The following VIT variants were observed in gnomAD, a reference collection of about 807,000 sequenced individuals.
The protein encoded by VIT is vitrin.
A neutral mutation model predicts 78.0 loss-of-function variants in VIT; 99 were observed. That is an observed-to-expected ratio of 1.27 (90% CI 1.08 to 1.50). The LOEUF (loss-of-function observed/expected upper bound fraction) is 1.50, where lower values mean the gene tolerates loss of function less well. Ranked by LOEUF, VIT falls within the 40% of genes most tolerant of loss-of-function variation. The pLI is 0.00. For missense variants in VIT, 1,126 were observed against 875.3 expected, an observed-to-expected ratio of 1.29 and a Z score of -3.61; for synonymous variants, 374 against 334.3, an observed-to-expected ratio of 1.12 and a Z score of -1.29.
At chr2:36,750,100 A>G (rs192049403) in intron 4 of VIT, among the ~76,000 whole-genome samples, 1 of 152,370 alleles carries the variant, frequency 6.6e-6, no homozygotes, top group East Asian at 1.9e-4. Context: ...AACGACACGA[A>G]AAGCTGTTCC....
intron 11 of VIT, among the ~76,000 whole-genome samples, chr2:36,785,060 A>C (rs935502688): frequency 1.3e-5 from 2 of 152,264 alleles, no homozygotes; most frequent in Non-Finnish European, 2.9e-5. Flanking sequence ...ACTGCCTGTG[A>C]GGAATCAAAA....
At chr2:36,730,411 G>A (rs1169330741) in intron 3 of VIT, among the ~76,000 whole-genome samples, 2 of 152,312 alleles carry the variant, frequency 1.3e-5, no homozygotes, top group Middle Eastern at 3.4e-3. Context: ...CAGGGACCCA[G>A]ACTTCTGTCT....
At chr2:36,775,747 G>C (rs1670008591) in intron 9 of VIT, among the ~76,000 whole-genome samples, 1 of 151,820 alleles carries the variant, frequency 6.6e-6, no homozygotes, top group African/African-American at 2.4e-5. Flanking sequence ...TTTGCTCTGA[G>C]TGCCTCAGAG....
chr2:36,776,872 G>A (rs139011853), intron 9 of VIT, among the ~76,000 whole-genome samples: 5,266 of 151,802 alleles, frequency 0.035, 136 homozygotes, highest in Middle Eastern at 0.058. Context: ...GGCAGATCAC[G>A]AGGTCAGGAG....
At chr2:36,710,704 A>G (rs1665749813) in intron 1 of VIT, among the ~76,000 whole-genome samples, 1 of 152,146 alleles carries the variant, frequency 6.6e-6, no homozygotes, top group African/African-American at 2.4e-5. Context: ...AATTATTTTG[A>G]GATTCATTCA....
intron 2 of VIT, among the ~76,000 whole-genome samples, chr2:36,717,088 G>C (rs1015794132): frequency 5.3e-5 from 8 of 151,630 alleles, no homozygotes; most frequent in Non-Finnish European, 5.9e-5. Flanking sequence ...TGCTGGCCAG[G>C]CTGGTCTTGA....
At chr2:36,720,412 T>A (rs549301912) in intron 2 of VIT, among the ~76,000 whole-genome samples, 1 of 152,124 alleles carries the variant, frequency 6.6e-6, no homozygotes, top group South Asian at 2.1e-4. Context: ...CTTCAATAAG[T>A]GTTATTGGGA....
In VIT at chr2:36,735,714, C is replaced by T. The variant is rs568255574; in HGVS notation, c.118+6223C>T. Among the ~76,000 whole-genome samples the T allele has an allele frequency of 8.9e-4, 136 of 152,342 alleles. 2 individuals are homozygous for T. Among genetic ancestry groups the T allele is most frequent in the African/African-American group, 3.2e-3 (134 of 41,586 alleles). ...GCTAGGGCAAGGGACATTTCCTTTACTGGAACCTATTTGGCCACTCCCACC... is the reference window on the plus strand; with the variant it reads ...GCTAGGGCAAGGGACATTTCCTTTATTGGAACCTATTTGGCCACTCCCACC... On this transcript the variant is annotated intron_variant, in intron 3 of 15. Transcript: ENST00000379242.
intron 15 of VIT, among the ~76,000 whole-genome samples, chr2:36,813,247 C>T (rs892626219): frequency 4.0e-5 from 6 of 151,702 alleles, no homozygotes; most frequent in Non-Finnish European, 2.9e-5. Flanking sequence ...GTCAGGAGTT[C>T]GAGACCAGCC....
chr2:36,742,486 G>C (rs1366297633), intron 3 of VIT, among the ~76,000 whole-genome samples: 2 of 152,134 alleles, frequency 1.3e-5, no homozygotes, highest in East Asian at 3.9e-4. Context: ...CTAGGACCAA[G>C]ACAAAATATC....
Position 36,765,421 on chromosome 2 carries a change from G to GAGAGAC in VIT, c.488-1668_488-1667insCAGAGA, listed in dbSNP as rs1669364365. ...GTCTTACATGGCAGCAGGCGAGAGA[G>GAGAGAC]AGAGAGAGAGAGAAAGAGAGAGAGA... On this transcript the variant is annotated intron_variant, in intron 6 of 15. Transcript: ENST00000379242. 2.2e-5 allele frequency among the ~76,000 whole-genome samples: 3 copies of GAGAGAC among 135,286 alleles called. No individual in the cohort carries two copies. In the South Asian group the frequency reaches 7.5e-4, roughly 34 times the overall value. The allele number at this position is 135,286 out of a possible 152,430, so 88.8% of individuals were successfully genotyped here. A position where few individuals can be genotyped will look rare whatever the true frequency, so the allele number is the denominator to read the frequency against.
chr2:36,721,062 G>C (rs1013457626), intron 2 of VIT, among the ~76,000 whole-genome samples: 1 of 151,710 alleles, frequency 6.6e-6, no homozygotes, highest in African/African-American at 2.4e-5. Flanking sequence ...ATGTTCTGGT[G>C]ATCTAATGTA....
intron 1 of VIT, among the ~76,000 whole-genome samples, chr2:36,700,116 G>A (rs921516418): frequency 2.0e-5 from 3 of 151,864 alleles, no homozygotes. Context: ...TTAACTCATC[G>A]GATACATTTA....
intron 12 of VIT, among the ~76,000 whole-genome samples, chr2:36,798,280 A>G (rs1239275239): frequency 2.0e-5 from 3 of 152,138 alleles, no homozygotes; most frequent in Non-Finnish European, 2.9e-5. Flanking sequence ...AGAGACCAAC[A>G]CAGGGATTCT....
At chr2:36,790,850 C>G (rs1304459853) in intron 12 of VIT, among the ~76,000 whole-genome samples, 1 of 152,138 alleles carries the variant, frequency 6.6e-6, no homozygotes, top group Non-Finnish European at 1.5e-5. Flanking sequence ...TCAAATTATA[C>G]AACCAAAAGG....
intron 2 of VIT, among the ~76,000 whole-genome samples, chr2:36,725,834 G>A (rs1253042477): frequency 3.9e-5 from 6 of 152,052 alleles, no homozygotes; most frequent in East Asian, 1.9e-4. Context: ...CACTTTGAGA[G>A]GCCGGGGCAG....
At chr2:36,746,303 G>A (rs1223250449) in intron 4 of VIT, among the ~76,000 whole-genome samples, 1 of 152,056 alleles carries the variant, frequency 6.6e-6, no homozygotes, top group Non-Finnish European at 1.5e-5. Context: ...TTTGGTATCA[G>A]GATGATGTTG....
chr2:36,788,461 A>T (rs1383102198), intron 12 of VIT, among the ~76,000 whole-genome samples: 1 of 152,238 alleles, frequency 6.6e-6, no homozygotes, highest in Non-Finnish European at 1.5e-5. Flanking sequence ...TATTCCTGTC[A>T]GGAAAAATTA....
At chr2:36,789,762 G>A (rs1387489419) in intron 12 of VIT, among the ~76,000 whole-genome samples, 4 of 152,174 alleles carry the variant, frequency 2.6e-5, no homozygotes, top group African/African-American at 4.8e-5. Context: ...TGGAATCACA[G>A]GCTGAGGCCT....
Sources: allele counts gnomAD v4.1 joint callset (sites outside exome capture counted in the v4.1 genomes callset), GRCh38; gene constraint gnomAD v4.1.1; transcripts MANE v1.5; gene names NCBI Gene and HGNC (gene_info 2026-07-23, HGNC 2026-07-21).